The following IQGAP2 variants were observed in gnomAD, a reference collection of about 807,000 sequenced individuals.
IQGAP2 encodes the protein IQ motif containing GTPase activating protein 2.
IQGAP2 carries 173 observed loss-of-function variants against 201.3 expected under a neutral mutation model. That is an observed-to-expected ratio of 0.86 (90% CI 0.76 to 0.98). The LOEUF (loss-of-function observed/expected upper bound fraction) is 0.98. Among genes scored for constraint, IQGAP2 ranks in the 50% least tolerant of loss-of-function variants. The pLI, the probability that IQGAP2 is intolerant of heterozygous loss-of-function variation, is 0.00. For synonymous variants in IQGAP2, 675 were observed against 673.9 expected (o/e 1.00, Z -0.03); for missense variants, 1,687 against 1,864.8 (o/e 0.90, Z 1.76).
At chr5:76,615,439 A>G (rs2150350448) in intron 13 of IQGAP2, 1 of 152,340 alleles carries the variant, frequency 6.6e-6, no homozygotes, top group Non-Finnish European at 1.5e-5. Context: ...GAAGCTTTTT[A>G]CTTAAGTCTG....
intron 2 of IQGAP2, among the ~76,000 whole-genome samples, chr5:76,533,057 G>T (rs183848416): frequency 1.7e-4 from 26 of 152,332 alleles, no homozygotes; most frequent in Non-Finnish European, 3.4e-4. Flanking sequence ...GGGGATCTCA[G>T]TGCAGCTCTT....
At chr5:76,554,779 A>G (rs1035005264) in intron 2 of IQGAP2, among the ~76,000 whole-genome samples, 1 of 152,192 alleles carries the variant, frequency 6.6e-6, no homozygotes, top group Non-Finnish European at 1.5e-5. Context: ...TAGAGTTACC[A>G]TATGACCCAG....
intron 2 of IQGAP2, among the ~76,000 whole-genome samples, chr5:76,558,276 CAATTGTCA>C (rs776538488): frequency 1.3e-5 from 2 of 152,154 alleles, no homozygotes; most frequent in African/African-American, 2.4e-5. Flanking sequence ...CTCTTGCTAC[CAATTGTCA>C]GTTTACCCCC....
rs766672353 is a variant in IQGAP2, at chr5:76,618,135, C to A, written c.1521+6952C>A. The A allele has an allele frequency of 6.2e-7, 1 of 1,613,958 alleles. No homozygotes were observed. Among genetic ancestry groups the A allele is most frequent in the African/African-American group, 1.3e-5 (1 of 74,902 alleles). On this transcript the variant is annotated intron_variant, in intron 13 of 35. Coordinates refer to ENST00000274364, the MANE Select transcript of IQGAP2 (RefSeq NM_006633.5). ...GAAAGGATGGACGATGGCCAGGTAG[C>A]GGTTGATGCTGATGCAGGCAAGGAG...
chr5:76,425,658 A>T (rs1337608407), intron 1 of IQGAP2, among the ~76,000 whole-genome samples: 2 of 152,196 alleles, frequency 1.3e-5, no homozygotes, highest in Non-Finnish European at 1.5e-5. Flanking sequence ...AACCCACATT[A>T]GTTCTCATAT....
chr5:76,631,618 A>G (rs1561531914), intron 14 of IQGAP2, among the ~76,000 whole-genome samples: 1 of 152,154 alleles, frequency 6.6e-6, no homozygotes, highest in South Asian at 2.1e-4. Flanking sequence ...TTCATACCAC[A>G]TATGAGTAAC....
chr5:76,483,978 C>T (rs753643166), intron 2 of IQGAP2, among the ~76,000 whole-genome samples: 15 of 151,894 alleles, frequency 9.9e-5, no homozygotes, highest in East Asian at 1.9e-4. Context: ...AACTAGGGGA[C>T]GCAATGTGAA....
chr5:76,544,541 T>C (rs1018006943), intron 2 of IQGAP2, among the ~76,000 whole-genome samples: 1 of 152,218 alleles, frequency 6.6e-6, no homozygotes, highest in Non-Finnish European at 1.5e-5. Flanking sequence ...TGGGTGGAGA[T>C]GGATCTAGCT....
intron 2 of IQGAP2, among the ~76,000 whole-genome samples, chr5:76,528,174 AT>A (rs1759077378): frequency 6.6e-6 from 1 of 151,864 alleles, no homozygotes; most frequent in Non-Finnish European, 1.5e-5. Flanking sequence ...TCACTGTGGA[AT>A]TTTTCTCTTG....
At chr5:76,416,966 C>A (rs1305618685) in intron 1 of IQGAP2, among the ~76,000 whole-genome samples, 1 of 151,946 alleles carries the variant, frequency 6.6e-6, no homozygotes, top group African/African-American at 2.4e-5. Context: ...GTAGATGGGA[C>A]CATAGGCATG....
At chr5:76,411,770 G>A (rs1352854499) in intron 1 of IQGAP2, among the ~76,000 whole-genome samples, 1 of 152,174 alleles carries the variant, frequency 6.6e-6, no homozygotes, top group Non-Finnish European at 1.5e-5. Context: ...TTCTGTTATA[G>A]CAGCACAAAA....
chr5:76,533,995 G>T (rs1759480702), intron 2 of IQGAP2, among the ~76,000 whole-genome samples: 1 of 152,194 alleles, frequency 6.6e-6, no homozygotes, highest in Non-Finnish European at 1.5e-5. Context: ...GATGAATAAT[G>T]ACTTTGTGTT....
chr5:76,564,872 C>T (rs144163264), intron 3 of IQGAP2, among the ~76,000 whole-genome samples: 73 of 152,160 alleles, frequency 4.8e-4, no homozygotes, highest in Middle Eastern at 3.4e-3. Flanking sequence ...GGAGGGAGAT[C>T]GTGGCCAGCT....
At position 76,490,388 on chromosome 5, in the gene IQGAP2, G is replaced by A. The variant is rs575264919; in HGVS notation, c.146+28719G>A. On this transcript the variant is annotated intron_variant, in intron 2 of 35. Transcript: ENST00000274364. The stretch of plus-strand genomic sequence containing the variant: ...GATTTAATTTCTGAGTTAATAAACC[G>A]CCATCACCCTGGAATGCCCATTTTT... Among the ~76,000 whole-genome samples the A allele has an allele frequency of 7.9e-4, 120 of 152,238 alleles. 1 individual carries two copies. Among genetic ancestry groups the A allele is most frequent in the African/African-American group, 2.2e-3 (92 of 41,550 alleles).
At chr5:76,672,972 G>A (rs1410710067) in intron 24 of IQGAP2, among the ~76,000 whole-genome samples, 1 of 151,434 alleles carries the variant, frequency 6.6e-6, no homozygotes, top group Non-Finnish European at 1.5e-5. Flanking sequence ...GAGTTAATGG[G>A]TGCAGTACAC....
At chr5:76,565,510 C>A (rs1744682183) in intron 3 of IQGAP2, among the ~76,000 whole-genome samples, 1 of 152,166 alleles carries the variant, frequency 6.6e-6, no homozygotes, top group Admixed American at 6.5e-5. Flanking sequence ...TTTTCCATGG[C>A]CACCTCCGCC....
chr5:76,434,832 A>G (rs1293754955), intron 1 of IQGAP2, among the ~76,000 whole-genome samples: 1 of 151,960 alleles, frequency 6.6e-6, no homozygotes, highest in African/African-American at 2.4e-5. Context: ...GCAGCGTATA[A>G]GCATTCCCTT....
intron 12 of IQGAP2, chr5:76,607,976 G>A (rs1747944059): frequency 1.3e-5 from 2 of 152,244 alleles, no homozygotes; most frequent in African/African-American, 2.4e-5. Context: ...ACAAATGAAG[G>A]TATGTTAGTT....
chr5:76,527,158 G>A (rs1759021952), intron 2 of IQGAP2, among the ~76,000 whole-genome samples: 1 of 152,182 alleles, frequency 6.6e-6, no homozygotes, highest in African/African-American at 2.4e-5. Flanking sequence ...CCAGTGTCTG[G>A]CCAAGATAGT....
Sources: gnomAD v4.1 joint callset for allele counts (sites outside exome capture counted in the v4.1 genomes callset) on GRCh38, gnomAD v4.1.1 for gene constraint, MANE v1.5 for transcripts, NCBI Gene and HGNC (gene_info 2026-07-23, HGNC 2026-07-21) for gene names.